The following EEF2 variants were observed in gnomAD, a reference collection of about 807,000 sequenced individuals.
EEF2 encodes eukaryotic translation elongation factor 2, also known as elongation factor 2.
A neutral mutation model predicts 85.3 loss-of-function variants in EEF2; 21 were observed. The observed-to-expected ratio is 0.25, with a 90% CI of 0.17 to 0.35. The LOEUF is 0.35. Ranked by LOEUF, EEF2 falls within the 10% of genes least tolerant of loss-of-function variation. The probability of loss-of-function intolerance (pLI) is 1.00; values close to 1 mark genes in which losing one functional copy is unlikely to be tolerated. For missense variants in EEF2, 825 were observed against 1,225.3 expected (o/e 0.67, Z 4.88); for synonymous variants, 723 against 508.8 (o/e 1.42, Z -5.67).
chr19:3,985,228 G>A (rs1344424446), intron 1 of EEF2, 150 bp downstream of exon 1: 2 of 847,402 alleles, frequency 2.4e-6, no homozygotes, highest in Non-Finnish European at 3.3e-6. Context: ...AGACATGGCG[G>A]CGGCCGCTTC....
rs763326918 is a variant in EEF2 at position 3,985,350 on chromosome 19, G to C, written c.3+28C>G. 32 of 1,469,082 alleles carry C rather than the reference G, an allele frequency of 2.2e-5. No homozygotes were observed. The South Asian group carries it at 3.8e-4, about 17-fold the overall frequency. The allele number at this position is 1,469,082 out of a possible 1,614,324, so 91.0% of individuals were successfully genotyped here. A position where few individuals can be genotyped will look rare whatever the true frequency, so the allele number is the denominator to read the frequency against. ...CCCGCGGAGGCCCCGCCGCCGCTCC[G>C]GGGCACCAGCGAGGCAGGGTTACTC... On this transcript the variant is annotated intron_variant, in intron 1 of 14. Coordinates refer to ENST00000309311, the MANE Select transcript of EEF2 (RefSeq NM_001961.4).
chr19:3,981,272 G>A (rs2039742498), intron 7 of EEF2, 67 bp downstream of exon 7: 1 of 1,486,624 alleles, frequency 6.7e-7, no homozygotes, highest in Non-Finnish European at 9.4e-7. Flanking sequence ...CCAGGCCTGG[G>A]CTGTCAGAGC....
chr19:3,982,819 C>T lies in EEF2; in HGVS notation c.600G>A (p.Met200Ile). Residue 200 changes from methionine (M) to isoleucine (I), a missense_variant, in exon 4 of 15, where the codon ATG (methionine) becomes ATA (isoleucine). Transcript: ENST00000309311. The stretch of plus-strand genomic sequence containing the variant: ...GGGAGGGCCGTACCATGATGTTGCC[C>T]ATGGGGCCGCTCTCGCCCTCGCCGT... ...STYGEGESGP[M>I]GNIMIDPVLG... 6.2e-7 allele frequency: 1 copy of T among 1,611,202 alleles called. No homozygotes were observed. The highest frequency in any genetic ancestry group is 8.5e-7 in the Non-Finnish European group (1 of 1,179,266).
In EEF2 at chr19:3,983,279, G is replaced by A. The variant is rs939552108; in HGVS notation, c.231C>T (p.Leu77=). ...AGTCATTCTCCGAGAGCTCGTAGAA[G>A]AGGGAGATGGCACTGATGGAGGGAG... The part of the protein sequence containing the change: ...CITIKSTAIS[L]FYELSENDLN... The change falls in exon 3 of 15, where the codon CTC becomes CTT. Residue 77 remains leucine, a synonymous_variant. Coordinates refer to ENST00000309311, the MANE Select transcript of EEF2 (RefSeq NM_001961.4). 9 of 1,613,502 alleles carry A rather than the reference G, an allele frequency of 5.6e-6. No homozygotes were observed. Among genetic ancestry groups the A allele is most frequent in the East Asian group, 2.2e-5 (1 of 44,844 alleles).
chr19:3,984,448 G>A, intron 1 of EEF2, 98 bp from the exon 2 acceptor site: 2 of 1,344,634 alleles, frequency 1.5e-6, no homozygotes, highest in Non-Finnish European at 2.1e-6. Flanking sequence ...CCCAAGGCCA[G>A]GAGGGGGTTG....
At chr19:3,980,137 C>A (rs2039727165) in intron 9 of EEF2, 71 bp from the exon 10 acceptor site, 8 of 1,551,748 alleles carry the variant, frequency 5.2e-6, no homozygotes, top group Non-Finnish European at 6.1e-6. Flanking sequence ...CAGGGCAGGT[C>A]CCTCCCGGAG....
At chr19:3,978,937 AAC>A (rs1340185265) in intron 11 of EEF2, among the ~76,000 whole-genome samples, 2 of 151,596 alleles carry the variant, frequency 1.3e-5, no homozygotes, top group South Asian at 2.1e-4. Context: ...TTGACTTACT[AAC>A]ACAGTGAAAC....
intron 11 of EEF2, 149 bp downstream of exon 11, chr19:3,979,180 T>C (rs1036043957): frequency 3.3e-5 from 20 of 614,612 alleles, no homozygotes; most frequent in Non-Finnish European, 5.4e-5. Context: ...TGTGGAAGAC[T>C]GCAAAGAAGA....
chr19:3,978,827 A>AAAAT (rs2039708970), intron 11 of EEF2, among the ~76,000 whole-genome samples: 4 of 136,726 alleles, frequency 2.9e-5, no homozygotes, highest in Non-Finnish European at 4.6e-5. Flanking sequence ...AAAAAAAAAA[A>AAAAT]AAAATAGCCC....
At chr19:3,981,566 AG>A in intron 6 of EEF2, 114 bp from the exon 7 acceptor site, 1 of 1,016,264 alleles carries the variant, frequency 9.8e-7, no homozygotes, top group Non-Finnish European at 1.5e-6. Flanking sequence ...GCACGGGAGC[AG>A]GAGCAGGCCT....
chr19:3,982,102 C>T (rs755463963), intron 5 of EEF2, 50 bp from the exon 6 acceptor site: 42 of 1,608,036 alleles, frequency 2.6e-5, no homozygotes, highest in Non-Finnish European at 3.2e-5. Context: ...CAGGGGATGA[C>T]TTGGGGAGGG....
chr19:3,983,544 G>A (rs1039082644), intron 2 of EEF2, among the ~76,000 whole-genome samples: 7 of 152,110 alleles, frequency 4.6e-5, no homozygotes, highest in South Asian at 2.1e-4. Context: ...CACCGACTTG[G>A]TCCCAAGATT....
Position 3,982,835 on chromosome 19 carries a change from C to A in EEF2, c.584G>T (p.Gly195Val), listed in dbSNP as rs868852146. The A allele has an allele frequency of 6.2e-6, 10 of 1,612,754 alleles. 1 individual carries two copies. The Middle Eastern group carries it at 1.7e-3, about 266-fold the overall frequency. ...VNVIISTYGE[G>V]ESGPMGNIMI... ...GATGTTGCCCATGGGGCCGCTCTCG[C>A]CCTCGCCGTAGGTGGAGATGATGAC... The change falls in exon 4 of 15, where the codon GGC (glycine) becomes GTC (valine). Residue 195 changes from glycine (G) to valine (V), a missense_variant. Physicochemically the swap from Gly to Val is moderately radical, Grantham distance 109. Transcript: ENST00000309311.
Position 3,980,825 on chromosome 19 carries a change from CA to C in EEF2, c.1150+15del, listed in dbSNP as rs1260058588. On this transcript the variant is annotated intron_variant, in intron 8 of 14. Coordinates refer to ENST00000309311, the MANE Select transcript of EEF2 (RefSeq NM_001961.4). ...ATCCGGCTGCATCTCAGGGCCCGGC[CA>C]CCGGGACCACGTACCCATGGCAGCC... 2 of 1,575,828 alleles carry C rather than the reference CA, an allele frequency of 1.3e-6. No homozygotes were observed. Among genetic ancestry groups the C allele is most frequent in the Admixed American group, 1.8e-5 (1 of 54,126 alleles).
rs1297452764 is a variant in EEF2 at position 3,977,205 on chromosome 19, A to T, written c.2383+10T>A. On this transcript the variant is annotated intron_variant, in intron 14 of 14. Coordinates refer to ENST00000309311, the MANE Select transcript of EEF2 (RefSeq NM_001961.4). This position sits in a 1 kb window ranked among gnomAD's most constrained non-coding sequence, Gnocchi z 5.4. ...CCAGGCTCTGCAGGCCACACCGGGC[A>T]GGCACTCACCAAAGGACTCGTTGAC... The T allele has an allele frequency of 6.2e-7, 1 of 1,612,562 alleles. No individual in the cohort carries two copies.
chr19:3,977,706 G>A lies in EEF2; in HGVS notation c.2068-96C>T, dbSNP rs571125126. The A allele has an allele frequency of 1.3e-6, 2 of 1,481,650 alleles. No homozygotes were observed. The highest frequency in any genetic ancestry group is 2.3e-5 in the East Asian group (1 of 43,202). 91.8% of individuals were successfully genotyped at this position (1,481,650 alleles called of 1,614,324 possible). A position where few individuals can be genotyped will look rare whatever the true frequency, so the allele number is the denominator to read the frequency against. On this transcript the variant is annotated intron_variant, in intron 12 of 14. Coordinates refer to ENST00000309311, the MANE Select transcript of EEF2 (RefSeq NM_001961.4). This position sits in a 1 kb window ranked among gnomAD's most constrained non-coding sequence, Gnocchi z 5.4. ...CTGCAGGTCTCCACCAGGGGGACCT[G>A]GGGCCTTGCCCGCCTTGGCCCCATT... is the stretch of plus-strand genomic sequence containing the variant.
At chr19:3,981,111 G>A in intron 7 of EEF2, 132 bp from the exon 8 acceptor site, 5 of 1,412,480 alleles carry the variant, frequency 3.5e-6, no homozygotes, top group Non-Finnish European at 4.7e-6. Flanking sequence ...GTCCCTTCTG[G>A]AAGGCGGCAA....
chr19:3,981,925 G>T, intron 6 of EEF2, 22 bp downstream of exon 6: 1 of 1,608,000 alleles, frequency 6.2e-7, no homozygotes, highest in Non-Finnish European at 8.5e-7. Flanking sequence ...TCGGCGGGGT[G>T]CCTGGCGCAG....
rs556372792 is a variant in EEF2, at chr19:3,979,526, C to T, written c.1606-90G>A. On this transcript the variant is annotated intron_variant, in intron 10 of 14. Transcript: ENST00000309311. ...AGCTTCCCTTTAGCTAGGGACCCCG[C>T]CAGAACAAGATTTCAGGGAAGGTGC... The T allele has an allele frequency of 1.8e-5, 21 of 1,169,464 alleles. No homozygotes were observed. In the Admixed American group the frequency reaches 4.1e-4, roughly 23 times the overall value. The allele number at this position is 1,169,464 out of a possible 1,614,324, so 72.4% of individuals were successfully genotyped here.
Sources: allele counts gnomAD v4.1 joint callset (sites outside exome capture counted in the v4.1 genomes callset), GRCh38; gene constraint gnomAD v4.1.1; non-coding constraint Gnocchi (gnomAD v3.1); transcripts MANE v1.5; gene names NCBI Gene and HGNC (gene_info 2026-07-23, HGNC 2026-07-21).